Variants in SLC35F4 observed in about 807,000 individuals in gnomAD.
The protein encoded by SLC35F4 is chromosome 14 open reading frame 36.
Under a neutral mutation model 44.2 loss-of-function variants are expected in SLC35F4, and 24 were observed. The ratio of observed to expected loss-of-function variants is 0.54; its 90% confidence interval spans 0.39 to 0.76. The LOEUF (loss-of-function observed/expected upper bound fraction) is 0.76. Among genes scored for constraint, SLC35F4 ranks in the 30% least tolerant of loss-of-function variants. The probability of loss-of-function intolerance (pLI) is 0.00; values close to 1 mark genes in which losing one functional copy is unlikely to be tolerated. For missense variants in SLC35F4, 562 were observed against 586.1 expected (o/e 0.96, Z 0.42); for synonymous variants, 238 against 223.6 (o/e 1.06, Z -0.57).
At chr14:57,684,314 C>T (rs970192042) in intron 1 of SLC35F4, among the ~76,000 whole-genome samples, 5 of 152,242 alleles carry the variant, frequency 3.3e-5, no homozygotes, top group South Asian at 2.1e-4. Flanking sequence ...AGGCCTCTGG[C>T]GCAGCAGTCC....
At chr14:57,631,302 T>C (rs2072758318) in intron 1 of SLC35F4, 1 of 152,230 alleles carries the variant, frequency 6.6e-6, no homozygotes, top group African/African-American at 2.4e-5. Flanking sequence ...TCACTGCTTT[T>C]TTCTGGTTCC....
rs183082607 is a variant in SLC35F4, at chr14:57,753,994, T to G, written c.103+111729A>C. On this transcript the variant is annotated intron_variant, in intron 1 of 7. Transcript: ENST00000556826. ...GATTGAGAATGTGTGTGACAAAGAT[T>G]TCCCTTCCCTCTCAGGATTAGTCCA... Among the ~76,000 whole-genome samples, 14 of 152,142 alleles carry G rather than the reference T, an allele frequency of 9.2e-5. No individual in the cohort carries two copies. In the East Asian group the frequency reaches 2.7e-3, roughly 29 times the overall value.
At chr14:57,947,898 C>CT (rs1890065041) in intron 1 of SLC35F4, among the ~76,000 whole-genome samples, 1 of 152,108 alleles carries the variant, frequency 6.6e-6, no homozygotes, top group Non-Finnish European at 1.5e-5. Context: ...GATGTATTAT[C>CT]TTTTTGATAT....
At chr14:57,981,011 C>T (rs1881362677) in intron 1 of SLC35F4, among the ~76,000 whole-genome samples, 1 of 152,126 alleles carries the variant, frequency 6.6e-6, no homozygotes, top group South Asian at 2.1e-4. Context: ...ACCTGGAAGG[C>T]TGTATGCATC....
chr14:57,981,473 G>A (rs866521805), intron 1 of SLC35F4, among the ~76,000 whole-genome samples: 5 of 152,210 alleles, frequency 3.3e-5, no homozygotes, highest in East Asian at 1.9e-4. Flanking sequence ...CTGTTCTTGC[G>A]CTAATGGATG....
At chr14:57,850,464 C>A (rs753080394) in intron 1 of SLC35F4, among the ~76,000 whole-genome samples, 5 of 152,140 alleles carry the variant, frequency 3.3e-5, no homozygotes, top group Non-Finnish European at 5.9e-5. Context: ...CTAGAAGCTG[C>A]TTTGCTTCTG....
intron 1 of SLC35F4, among the ~76,000 whole-genome samples, chr14:57,950,815 C>T (rs1011632099): frequency 3.9e-5 from 6 of 151,938 alleles, no homozygotes; most frequent in Non-Finnish European, 5.9e-5. Context: ...ACTACAGGTG[C>T]CTGCCACCAC....
Position 57,622,653 on chromosome 14 carries a change from A to G in SLC35F4, c.104-28529T>C, listed in dbSNP as rs1453171091. 2.0e-5 allele frequency among the ~76,000 whole-genome samples: 3 copies of G among 151,136 alleles called. No homozygotes were observed. In the East Asian group the frequency reaches 5.8e-4, roughly 29 times the overall value. On this transcript the variant is annotated intron_variant, in intron 1 of 7. Coordinates refer to ENST00000556826, the MANE Select transcript of SLC35F4 (RefSeq NM_001306087.2). ...ATGGACACAGGAAGGGGAACATCAC[A>G]CTCTGGGGACTGTTGTGGGGTTGGG...
At chr14:57,631,879 G>T (rs986441678) in intron 1 of SLC35F4, among the ~76,000 whole-genome samples, 4 of 151,862 alleles carry the variant, frequency 2.6e-5, no homozygotes, top group Admixed American at 2.6e-4. Flanking sequence ...AAAAAGTCTC[G>T]GATTGCTTGC....
intron 1 of SLC35F4, among the ~76,000 whole-genome samples, chr14:57,918,193 A>C (rs1180121768): frequency 6.6e-6 from 1 of 152,146 alleles, no homozygotes; most frequent in Admixed American, 6.5e-5. Flanking sequence ...TACTGTGAGA[A>C]CCTGATCGAG....
chr14:57,876,391 T>C (rs1224481540), intron 1 of SLC35F4, among the ~76,000 whole-genome samples: 5 of 152,146 alleles, frequency 3.3e-5, no homozygotes, highest in African/African-American at 4.8e-5. Context: ...ATCTTTTAAA[T>C]TCATATTTCT....
At chr14:57,659,645 T>C (rs2074074777) in intron 1 of SLC35F4, among the ~76,000 whole-genome samples, 3 of 152,158 alleles carry the variant, frequency 2.0e-5, no homozygotes, top group African/African-American at 7.2e-5. Flanking sequence ...TCCTAGATGA[T>C]GTGGTCCCAG....
chr14:57,703,426 A>G (rs74916750), intron 1 of SLC35F4, among the ~76,000 whole-genome samples: 3,179 of 152,290 alleles, frequency 0.021, 54 homozygotes, highest in African/African-American at 0.049. Flanking sequence ...ATCCTCAAAC[A>G]TGCTGCTCCC....
Position 57,564,237 on chromosome 14 carries a change from CT to C in SLC35F4, c.1355del (p.Lys452ArgfsTer12). The C allele has an allele frequency of 6.2e-7, 1 of 1,613,520 alleles. No homozygotes were observed. The highest frequency in any genetic ancestry group is 1.1e-5 in the South Asian group (1 of 90,956). ...CCACATGCTCCTCACTCTTCTTTTC[CT>C]TCAGGCTGTTGATGAACCTCAGGGT... is the stretch of plus-strand genomic sequence containing the variant. Reference protein sequence around the residue: ...EITLRFINSLKEKKSEEHVDD... With the variant: ...EITLRFINSLXEKKSEEHVDD... On this transcript the variant is annotated frameshift_variant, in exon 8 of 8. Coordinates refer to ENST00000556826, the MANE Select transcript of SLC35F4 (RefSeq NM_001306087.2). LOFTEE classifies it high-confidence loss of function.
intron 1 of SLC35F4, among the ~76,000 whole-genome samples, chr14:57,878,312 T>C (rs1888445888): frequency 6.6e-6 from 1 of 152,162 alleles, no homozygotes; most frequent in Non-Finnish European, 1.5e-5. Context: ...ATCTGATCTT[T>C]TCCTATTCTA....
At chr14:57,841,537 G>A (rs1207598639) in intron 1 of SLC35F4, among the ~76,000 whole-genome samples, 2 of 152,158 alleles carry the variant, frequency 1.3e-5, no homozygotes, top group Non-Finnish European at 2.9e-5. Flanking sequence ...ACTTGGAATA[G>A]GCACATGATT....
chr14:57,572,721 G>C (rs1451230084), intron 4 of SLC35F4, among the ~76,000 whole-genome samples: 5 of 152,178 alleles, frequency 3.3e-5, no homozygotes, highest in African/African-American at 1.2e-4. Flanking sequence ...TGCATAAAGT[G>C]AAATATTCAT....
chr14:57,704,514 C>G (rs1279287779), intron 1 of SLC35F4, among the ~76,000 whole-genome samples: 1 of 152,070 alleles, frequency 6.6e-6, no homozygotes, highest in Non-Finnish European at 1.5e-5. Flanking sequence ...TTTGAGGACC[C>G]TATGGTTACT....
intron 1 of SLC35F4, among the ~76,000 whole-genome samples, chr14:57,654,953 T>G (rs753636442): frequency 2.0e-4 from 30 of 152,146 alleles, no homozygotes; most frequent in Non-Finnish European, 2.9e-4. Context: ...ATGCCTCCAA[T>G]CAGAGGATAT....
Sources: gnomAD v4.1 joint callset for allele counts (sites outside exome capture counted in the v4.1 genomes callset) on GRCh38, gnomAD v4.1.1 for gene constraint, MANE v1.5 for transcripts, NCBI Gene and HGNC (gene_info 2026-07-23, HGNC 2026-07-21) for gene names.